Variants in XKR5 observed in about 807,000 individuals in gnomAD.
XKR5 encodes XK related 5, also known as XK-related protein 5.
Under a neutral mutation model 40.8 loss-of-function variants are expected in XKR5, and 46 were observed. That is an observed-to-expected ratio of 1.13 (90% CI 0.89 to 1.44). The LOEUF (loss-of-function observed/expected upper bound fraction) is 1.44, where lower values mean the gene tolerates loss of function less well. Among genes scored for constraint, XKR5 ranks in the 40% most tolerant of loss-of-function variants. XKR5 has a pLI of 0.00. For synonymous variants in XKR5, 466 were observed against 356.1 expected (o/e 1.31, Z -3.48); for missense variants, 1,169 against 844.7 (o/e 1.38, Z -4.76).
chr8:6,818,251 C>T (rs1201101706), intron 5 of XKR5, among the ~76,000 whole-genome samples: 1 of 152,240 alleles, frequency 6.6e-6, no homozygotes, highest in African/African-American at 2.4e-5. Context: ...CGTTCTAGCG[C>T]CGTCCACACC....
chr8:6,813,613 C>T (rs1412533590), intron 6 of XKR5, among the ~76,000 whole-genome samples: 2 of 152,168 alleles, frequency 1.3e-5, no homozygotes, highest in Admixed American at 6.5e-5. Flanking sequence ...TCCCAAGGGT[C>T]GGCTGGGAGT....
chr8:6,832,894 T>C lies in XKR5; in HGVS notation c.65A>G (p.Tyr22Cys), dbSNP rs757798320. The change falls in exon 2 of 7, where the codon TAC becomes TGC. Residue 22 changes from tyrosine to cysteine, a missense_variant. By Grantham distance (194) the Tyr-to-Cys change is radical. Coordinates refer to ENST00000618742, the MANE Select transcript of XKR5 (RefSeq NM_207411.5). Reference sequence around the variant, plus strand: ...TGTGGTGAAGTAGTAAGCCACGGTGTAAAGGCCTGGGTGAGAAGGGGAAAG... The same window carrying C: ...TGTGGTGAAGTAGTAAGCCACGGTGCAAAGGCCTGGGTGAGAAGGGGAAAG... ...LQAAEQSARL[Y>C]TVAYYFTTGR... The C allele has an allele frequency of 6.3e-7, 1 of 1,583,998 alleles. No homozygotes were observed. The highest frequency in any genetic ancestry group is 1.9e-5 in the Admixed American group (1 of 53,610).
intron 3 of XKR5, 102 bp from the exon 4 acceptor site, chr8:6,823,832 T>C (rs1251814924): frequency 9.7e-7 from 1 of 1,033,922 alleles, no homozygotes; most frequent in Non-Finnish European, 1.4e-6. Flanking sequence ...ATGTGTAACC[T>C]CTTGTTAAAG....
chr8:6,827,734 T>G (rs1234541452), intron 2 of XKR5, among the ~76,000 whole-genome samples: 1 of 152,182 alleles, frequency 6.6e-6, no homozygotes, highest in Non-Finnish European at 1.5e-5. Flanking sequence ...CAGAAAGCTT[T>G]GTTTGTTCAA....
chr8:6,822,067 G>C (rs748747389), intron 4 of XKR5, 29 bp from the exon 5 acceptor site: 1 of 1,580,358 alleles, frequency 6.3e-7, no homozygotes, highest in Non-Finnish European at 8.6e-7. Flanking sequence ...CAGACGTCAG[G>C]GTCCATGCAA....
chr8:6,814,312 CA>C (rs1803865476), intron 6 of XKR5, among the ~76,000 whole-genome samples: 1 of 152,186 alleles, frequency 6.6e-6, no homozygotes, highest in African/African-American at 2.4e-5. Context: ...ACTCAGCCAT[CA>C]AAAGCAAGGA....
rs771631604 is a variant in XKR5 at position 6,825,348 on chromosome 8, G to A, written c.244C>T (p.His82Tyr). The A allele has an allele frequency of 1.3e-6, 2 of 1,549,908 alleles. No individual in the cohort carries two copies. The highest frequency in any genetic ancestry group is 1.7e-6 in the Non-Finnish European group (2 of 1,153,434). The change falls in exon 3 of 7, where the codon CAC becomes TAC. Residue 82 changes from histidine to tyrosine, a missense_variant and splice_region_variant. Physicochemically the swap from His to Tyr is moderately conservative, Grantham distance 83. Transcript: ENST00000618742. The part of the protein sequence containing the change: ...HLLQLGVWKR[H>Y]WDAALTSLQK... ...AGACTGGTCAGTGCAGCGTCCCAGT[G>A]CCTAGGGAACAGCAGAGGGCACGTG... is the stretch of plus-strand genomic sequence containing the variant.
At chr8:6,814,519 T>C (rs1263496994) in intron 6 of XKR5, among the ~76,000 whole-genome samples, 1 of 152,004 alleles carries the variant, frequency 6.6e-6, no homozygotes, top group Admixed American at 6.5e-5. Context: ...GTCCTCGTGG[T>C]GATGGAAGGG....
intron 5 of XKR5, among the ~76,000 whole-genome samples, chr8:6,819,811 TCCTTCCTCTTCCCTA>T (rs1196624037): frequency 8.4e-6 from 1 of 119,028 alleles, no homozygotes; most frequent in African/African-American, 3.0e-5. Context: ...ACCCTCCACT[TCCTTCCTCTTCCCTA>T]CCTTCCTTCC....
At chr8:6,831,790 C>T (rs576357951) in intron 2 of XKR5, among the ~76,000 whole-genome samples, 40 of 152,008 alleles carry the variant, frequency 2.6e-4, no homozygotes, top group Non-Finnish European at 7.4e-5. Context: ...CCAAGGTGGG[C>T]GGATCACGAG....
rs563054013 is a variant in XKR5 at position 6,812,152 on chromosome 8, A to G, written c.1107T>C (p.Tyr369=). ...GGGGCTTCCCTAAAATGGTTGGTTC[A>G]TAACTTGCCCCTTGGCATGAGCCTG... ...ESSGSCQGAS[Y]EPTILGKPPT... is the part of the protein sequence containing the mutation. Residue 369 remains tyrosine (Y), a synonymous_variant, in exon 7 of 7, where the codon TAT becomes TAC. Coordinates refer to ENST00000618742, the MANE Select transcript of XKR5 (RefSeq NM_207411.5). 3.9e-6 allele frequency: 6 copies of G among 1,551,462 alleles called. No individual in the cohort carries two copies. In the African/African-American group the frequency reaches 6.8e-5, roughly 18 times the overall value.
intron 6 of XKR5, among the ~76,000 whole-genome samples, chr8:6,813,237 G>T (rs1296787691): frequency 6.6e-6 from 1 of 152,184 alleles, no homozygotes; most frequent in East Asian, 1.9e-4. Context: ...GGAAAGGGAG[G>T]TGGACTTTCT....
intron 2 of XKR5, among the ~76,000 whole-genome samples, chr8:6,827,190 C>A (rs913043837): frequency 6.6e-6 from 1 of 152,158 alleles, no homozygotes; most frequent in Admixed American, 6.5e-5. Flanking sequence ...CCACCAATTC[C>A]TCTCTGGGTC....
At chr8:6,832,201 A>C (rs1253217255) in intron 2 of XKR5, among the ~76,000 whole-genome samples, 1 of 152,142 alleles carries the variant, frequency 6.6e-6, no homozygotes, top group Non-Finnish European at 1.5e-5. Flanking sequence ...ATCACGGATA[A>C]GCCCACCAGG....
chr8:6,825,299 T>A lies in XKR5; in HGVS notation c.293A>T (p.His98Leu). ...CTCCTGCAGCTGCAGCCAGCCTCGG[T>A]GGGGAGCCTCCAGTTCCTTCTGCAG... ...TSLQKELEAP[H>L]RGWLQLQEAD... The change falls in exon 3 of 7, where the codon CAC becomes CTC. Residue 98 changes from histidine to leucine, a missense_variant. His to Leu is a moderately conservative substitution (Grantham distance 99). Transcript: ENST00000618742. 1.2e-6 allele frequency: 2 copies of A among 1,608,514 alleles called. No individual in the cohort carries two copies. Among genetic ancestry groups the A allele is most frequent in the Admixed American group, 3.4e-5 (2 of 58,622 alleles).
chr8:6,822,402 A>C (rs1011013148), intron 4 of XKR5, among the ~76,000 whole-genome samples: 3 of 152,224 alleles, frequency 2.0e-5, no homozygotes, highest in African/African-American at 7.2e-5. Flanking sequence ...CAAGAGCAAA[A>C]AACCTCCACA....
chr8:6,822,822 T>G (rs1804300463), intron 4 of XKR5, among the ~76,000 whole-genome samples: 1 of 152,170 alleles, frequency 6.6e-6, no homozygotes. Flanking sequence ...GAGGGAGGGC[T>G]TGGATTTAGT....
chr8:6,821,862 C>T lies in XKR5; in HGVS notation c.807+7G>A, dbSNP rs377201591. ...TAAAAGTTAGGATAAAGAAAAGTGC[C>T]ACTTGCCATGTAGAACGTGACCATC... On this transcript the variant is annotated splice_region_variant and intron_variant, in intron 5 of 6. Coordinates refer to ENST00000618742, the MANE Select transcript of XKR5 (RefSeq NM_207411.5). The T allele has an allele frequency of 6.2e-7, 1 of 1,612,010 alleles. No homozygotes were observed. Among genetic ancestry groups the T allele is most frequent in the East Asian group, 2.2e-5 (1 of 44,838 alleles).
intron 2 of XKR5, 74 bp downstream of exon 2, chr8:6,832,643 C>G: frequency 6.4e-7 from 1 of 1,571,134 alleles, no homozygotes; most frequent in Non-Finnish European, 8.7e-7. Context: ...GGACAGAATC[C>G]ACATGGAGAG....
Sources: gnomAD v4.1 joint callset for allele counts (sites outside exome capture counted in the v4.1 genomes callset) on GRCh38, gnomAD v4.1.1 for gene constraint, MANE v1.5 for transcripts, NCBI Gene and HGNC (gene_info 2026-07-23, HGNC 2026-07-21) for gene names.